The following ANGPTL2 variants were observed in gnomAD, a reference collection of about 807,000 sequenced individuals.
The protein encoded by ANGPTL2 is angiopoietin like 2.
A neutral mutation model predicts 52.8 loss-of-function variants in ANGPTL2; 25 were observed. The ratio of observed to expected loss-of-function variants is 0.47; its 90% confidence interval spans 0.35 to 0.66. The LOEUF (loss-of-function observed/expected upper bound fraction) is 0.66. Ranked by LOEUF, ANGPTL2 falls within the 30% of genes least tolerant of loss-of-function variation. The pLI, the probability that ANGPTL2 is intolerant of heterozygous loss-of-function variation, is 0.01. For missense variants in ANGPTL2, 546 were observed against 656.9 expected, an observed-to-expected ratio of 0.83 and a Z score of 1.84; for synonymous variants, 276 against 277.4, an observed-to-expected ratio of 1.00 and a Z score of 0.05.
intron 2 of ANGPTL2, among the ~76,000 whole-genome samples, chr9:127,094,129 T>C (rs2052832123): frequency 6.6e-6 from 1 of 152,122 alleles, no homozygotes; most frequent in East Asian, 1.9e-4. Flanking sequence ...AGGATGCCCA[T>C]ACTCCAAGCT....
At chr9:127,094,730 G>A (rs2052907712) in intron 2 of ANGPTL2, among the ~76,000 whole-genome samples, 1 of 152,204 alleles carries the variant, frequency 6.6e-6, no homozygotes, top group Non-Finnish European at 1.5e-5. Context: ...CCTCCTTGCA[G>A]GCTCATAAAC....
chr9:127,092,031 G>A, intron 3 of ANGPTL2, 91 bp from the exon 4 acceptor site: 9 of 1,499,302 alleles, frequency 6.0e-6, no homozygotes, highest in South Asian at 5.2e-5. Context: ...TGGATAGAGG[G>A]GCCTGGGAAA....
intron 2 of ANGPTL2, among the ~76,000 whole-genome samples, chr9:127,099,179 G>T (rs766124223): frequency 6.6e-6 from 1 of 152,170 alleles, no homozygotes; most frequent in Non-Finnish European, 1.5e-5. Flanking sequence ...GTCAGAATTT[G>T]ACCACCTTAG....
chr9:127,114,209 G>T (rs2055161715), intron 1 of ANGPTL2, among the ~76,000 whole-genome samples: 1 of 152,186 alleles, frequency 6.6e-6, no homozygotes, highest in African/African-American at 2.4e-5. Flanking sequence ...CACATTCATA[G>T]TCTTTATGTT....
chr9:127,090,083 G>A (rs2136358560), intron 4 of ANGPTL2, among the ~76,000 whole-genome samples: 1 of 152,268 alleles, frequency 6.6e-6, no homozygotes, highest in Non-Finnish European at 1.5e-5. Context: ...AGTTTTTCTG[G>A]GGGTCCCTCT....
Position 127,091,726 on chromosome 9 carries a change from G to A in ANGPTL2, c.1226C>T (p.Thr409Ile), listed in dbSNP as rs1450480926. The change falls in exon 4 of 5, where the codon ACA becomes ATA. Residue 409 changes from threonine (T) to isoleucine (I), a missense_variant. Physicochemically the swap from Thr to Ile is moderately conservative, Grantham distance 89. Coordinates refer to ENST00000373425, the MANE Select transcript of ANGPTL2 (RefSeq NM_012098.3). This position sits in a 1 kb window ranked among gnomAD's most constrained non-coding sequence, Gnocchi z 4.3. The part of the protein sequence containing the change: ...RYHGNAGDSF[T>I]WHNGKQFTTL... ...GGTGAACTGCTTGCCGTTGTGCCAT[G>A]TAAAGGAGTCACCCGCATTGCCATG... 1.2e-6 allele frequency: 2 copies of A among 1,614,100 alleles called. No homozygotes were observed. Among genetic ancestry groups the A allele is most frequent in the Non-Finnish European group, 1.7e-6 (2 of 1,180,020 alleles).
At chr9:127,102,724 GCC>G (rs1158157134) in intron 2 of ANGPTL2, among the ~76,000 whole-genome samples, 1 of 152,142 alleles carries the variant, frequency 6.6e-6, no homozygotes, top group Non-Finnish European at 1.5e-5. Context: ...AAGGGAGCTG[GCC>G]CTCCTGGAAC....
At chr9:127,095,945 TAAGA>T (rs1013359851) in intron 2 of ANGPTL2, among the ~76,000 whole-genome samples, 8 of 152,118 alleles carry the variant, frequency 5.3e-5, no homozygotes, top group African/African-American at 1.4e-4. Flanking sequence ...ATTGCCCCGA[TAAGA>T]AAGATTGGTT....
intron 2 of ANGPTL2, among the ~76,000 whole-genome samples, chr9:127,104,010 G>A (rs2053988183): frequency 6.6e-6 from 1 of 152,152 alleles, no homozygotes; most frequent in South Asian, 2.1e-4. Flanking sequence ...ATCCTGCAAG[G>A]TACAAGTCCC....
At chr9:127,111,220 C>T (rs1226256382) in intron 1 of ANGPTL2, among the ~76,000 whole-genome samples, 1 of 152,168 alleles carries the variant, frequency 6.6e-6, no homozygotes, top group Non-Finnish European at 1.5e-5. Context: ...GTTGTTTGTT[C>T]CCTTACCTCT....
chr9:127,103,684 G>A (rs2053948918), intron 2 of ANGPTL2, among the ~76,000 whole-genome samples: 1 of 152,174 alleles, frequency 6.6e-6, no homozygotes, highest in Non-Finnish European at 1.5e-5. Flanking sequence ...ACAGTGTTTT[G>A]TGTCATTGGA....
intron 1 of ANGPTL2, among the ~76,000 whole-genome samples, chr9:127,110,410 T>A (rs1227455891): frequency 6.6e-6 from 1 of 152,178 alleles, no homozygotes; most frequent in Non-Finnish European, 1.5e-5. Flanking sequence ...CATATTCCTG[T>A]CCTTTCTCTA....
intron 2 of ANGPTL2, 100 bp from the exon 3 acceptor site, chr9:127,094,026 C>T (rs2052817711): frequency 7.3e-7 from 1 of 1,363,152 alleles, no homozygotes; most frequent in Non-Finnish European, 1.0e-6. Context: ...GAGGCTCCAG[C>T]TGGGAGCCAC....
In ANGPTL2 at chr9:127,093,875, G is replaced by T. The variant is rs1564564912; in HGVS notation, c.869C>A (p.Ser290Tyr). The change falls in exon 3 of 5, where the codon TCC becomes TAC. Residue 290 changes from serine (S) to tyrosine (Y), a missense_variant. By Grantham distance (144) the Ser-to-Tyr change is moderately radical. Around this residue, in one of 2 missense-constraint regions of ANGPTL2, gnomAD observed 261 missense variants for 361.0 expected, o/e 0.72. Coordinates refer to ENST00000373425, the MANE Select transcript of ANGPTL2 (RefSeq NM_012098.3). ...GTTCTCCGGCTTCACCAGGTAGATG[G>T]AGCTGGTGTCGTGGCCATCCTCCAG... ...QALEDGHDTS[S>Y]IYLVKPENTN... 6.2e-7 allele frequency: 1 copy of T among 1,614,084 alleles called. No homozygotes were observed. Among genetic ancestry groups the T allele is most frequent in the South Asian group, 1.1e-5 (1 of 91,066 alleles).
chr9:127,118,298 T>C (rs1414096212), intron 1 of ANGPTL2, among the ~76,000 whole-genome samples: 1 of 152,230 alleles, frequency 6.6e-6, no homozygotes, highest in Non-Finnish European at 1.5e-5. Context: ...ACAGTCCATG[T>C]GAAAGAACAC....
chr9:127,097,281 G>A (rs2053236939), intron 2 of ANGPTL2, among the ~76,000 whole-genome samples: 1 of 152,114 alleles, frequency 6.6e-6, no homozygotes, highest in African/African-American at 2.4e-5. Context: ...TTTTAAAAAA[G>A]GCAAACGGGG....
intron 4 of ANGPTL2, 30 bp from the exon 5 acceptor site, chr9:127,089,168 C>G (rs2052144171): frequency 6.2e-7 from 1 of 1,611,842 alleles, no homozygotes; most frequent in African/African-American, 1.3e-5. Context: ...GAGAGGGTGT[C>G]TGGGAGGAGG....
At chr9:127,098,266 C>T (rs185632776) in intron 2 of ANGPTL2, among the ~76,000 whole-genome samples, 62 of 152,340 alleles carry the variant, frequency 4.1e-4, no homozygotes, top group African/African-American at 1.4e-3. Flanking sequence ...GGGCAAAGCG[C>T]TCCCTTTGGA....
At chr9:127,099,749 A>G (rs2053534021) in intron 2 of ANGPTL2, among the ~76,000 whole-genome samples, 1 of 152,246 alleles carries the variant, frequency 6.6e-6, no homozygotes, top group Admixed American at 6.5e-5. Flanking sequence ...TAACCTAAAC[A>G]CAGGAATAGC....
Sources: gnomAD v4.1 joint callset for allele counts (sites outside exome capture counted in the v4.1 genomes callset) on GRCh38, gnomAD v4.1.1 for gene constraint, gnomAD v4.1.1 regional missense constraint, Gnocchi (gnomAD v3.1) non-coding constraint, MANE v1.5 for transcripts, NCBI Gene and HGNC (gene_info 2026-07-23, HGNC 2026-07-21) for gene names.